The following COMMD10 variants were observed in gnomAD, a reference collection of about 807,000 sequenced individuals.
The protein encoded by COMMD10 is COMM domain-containing protein 10.
COMMD10 carries 33 observed loss-of-function variants against 28.9 expected under a neutral mutation model. The observed-to-expected ratio is 1.14, with a 90% CI of 0.87 to 1.53. COMMD10 has a LOEUF of 1.53. Ranked by LOEUF, COMMD10 falls within the 40% of genes most tolerant of loss-of-function variation. The pLI is 0.00. For missense variants in COMMD10, 310 were observed against 233.4 expected (o/e 1.33, Z -2.14); for synonymous variants, 110 against 81.7 (o/e 1.35, Z -1.87).
rs551489448 is a variant in COMMD10 at position 116,251,290 on chromosome 5, A to AT, written c.511-40224dup. Reference sequence around the variant, plus strand: ...TTTTTATTTATTTATTTATTTATTTATTTATTTATTTATTATTATACTTTA... The same window carrying AT: ...TTTTTATTTATTTATTTATTTATTTATTTTATTTATTTATTATTATACTTTA... On this transcript the variant is annotated intron_variant, in intron 5 of 6. Transcript: ENST00000274458. Among the ~76,000 whole-genome samples the AT allele has an allele frequency of 8.0e-4, 110 of 137,018 alleles. 1 individual carries two copies. The highest frequency in any genetic ancestry group is 2.9e-3 in the African/African-American group (103 of 35,178). The allele number at this position is 137,018 out of a possible 152,430, so 89.9% of individuals were successfully genotyped here.
intron 5 of COMMD10, among the ~76,000 whole-genome samples, chr5:116,161,970 C>T (rs1752932630): frequency 2.0e-5 from 3 of 152,124 alleles, no homozygotes. Flanking sequence ...AATGAGAAAC[C>T]AGAAGTTTTT....
intron 5 of COMMD10, chr5:116,255,939 A>C (rs764397552): frequency 4.6e-5 from 7 of 151,580 alleles, no homozygotes; most frequent in Non-Finnish European, 8.8e-5. Flanking sequence ...AGTGTTCAGA[A>C]ACGTTGCAGT....
chr5:116,131,807 A>T (rs989353889), intron 4 of COMMD10, among the ~76,000 whole-genome samples: 31 of 152,008 alleles, frequency 2.0e-4, no homozygotes, highest in African/African-American at 7.5e-4. Context: ...CAGACTACAG[A>T]GGGAAGGGAA....
At chr5:116,135,064 G>T (rs1751986821) in intron 5 of COMMD10, among the ~76,000 whole-genome samples, 1 of 152,106 alleles carries the variant, frequency 6.6e-6, no homozygotes, top group Admixed American at 6.5e-5. Flanking sequence ...GATATGATAA[G>T]AGCTTTTTAT....
chr5:116,207,117 C>T (rs1237195978), intron 5 of COMMD10, among the ~76,000 whole-genome samples: 1 of 152,094 alleles, frequency 6.6e-6, no homozygotes, highest in Non-Finnish European at 1.5e-5. Flanking sequence ...GCAAATTTCT[C>T]TATTAATAAT....
chr5:116,289,297 T>G (rs1374452805), intron 5 of COMMD10, among the ~76,000 whole-genome samples: 1 of 151,896 alleles, frequency 6.6e-6, no homozygotes, highest in African/African-American at 2.4e-5. Context: ...TTCCTTTGAT[T>G]AGGCCATATT....
chr5:116,238,030 A>G (rs1038755804), intron 5 of COMMD10, among the ~76,000 whole-genome samples: 2 of 152,182 alleles, frequency 1.3e-5, no homozygotes, highest in African/African-American at 4.8e-5. Context: ...ATAAATTTAT[A>G]TTATCTGGAA....
intron 5 of COMMD10, among the ~76,000 whole-genome samples, chr5:116,216,813 C>T (rs904566946): frequency 2.6e-5 from 4 of 152,042 alleles, no homozygotes; most frequent in Middle Eastern, 3.2e-3. Context: ...GGATTACAGG[C>T]GTGAGCCACT....
intron 5 of COMMD10, among the ~76,000 whole-genome samples, chr5:116,258,427 A>T (rs1484196628): frequency 3.3e-5 from 5 of 150,492 alleles, no homozygotes; most frequent in African/African-American, 7.5e-5. Context: ...GGACACCACC[A>T]CATCTTTTTT....
At chr5:116,224,288 A>G (rs1046978487) in intron 5 of COMMD10, among the ~76,000 whole-genome samples, 1 of 152,206 alleles carries the variant, frequency 6.6e-6, no homozygotes. Flanking sequence ...AGGAAACTCT[A>G]TGTAGATAGG....
In COMMD10 at chr5:116,292,966, A is replaced by G. The variant is rs1751410757; in HGVS notation, c.*477A>G. The stretch of plus-strand genomic sequence containing the variant: ...GCATTTTTATTTGAATATGATGAGT[A>G]TATTTTGCTTCGGAAATAATATAGG... On this transcript the variant is annotated 3_prime_UTR_variant, in exon 7 of 7. Coordinates refer to ENST00000274458, the MANE Select transcript of COMMD10 (RefSeq NM_016144.4). The G allele has an allele frequency of 2.5e-5, 10 of 397,066 alleles. No homozygotes were observed. The highest frequency in any genetic ancestry group is 4.4e-5 in the Non-Finnish European group (10 of 225,122). 24.6% of individuals were successfully genotyped at this position (397,066 alleles called of 1,614,324 possible).
chr5:116,235,430 C>G (rs139264606), intron 5 of COMMD10, among the ~76,000 whole-genome samples: 1 of 152,076 alleles, frequency 6.6e-6, no homozygotes, highest in South Asian at 2.1e-4. Flanking sequence ...TTTCATTTTC[C>G]TGTTACAATC....
At chr5:116,213,635 T>C (rs1171987308) in intron 5 of COMMD10, among the ~76,000 whole-genome samples, 1 of 152,148 alleles carries the variant, frequency 6.6e-6, no homozygotes, top group Non-Finnish European at 1.5e-5. Flanking sequence ...AGAAGTCTTT[T>C]ACATTGAGTT....
chr5:116,276,032 A>G (rs529568247), intron 5 of COMMD10, among the ~76,000 whole-genome samples: 1 of 151,378 alleles, frequency 6.6e-6, no homozygotes, highest in Non-Finnish European at 1.5e-5. Flanking sequence ...TTGTAAAATG[A>G]TCGTAAGTAC....
intron 5 of COMMD10, among the ~76,000 whole-genome samples, chr5:116,251,068 G>C (rs1278533346): frequency 6.6e-6 from 1 of 151,902 alleles, no homozygotes; most frequent in Non-Finnish European, 1.5e-5. Context: ...CATGTGCACA[G>C]AGCTCCTAGT....
At chr5:116,198,830 G>A (rs1748592678) in intron 5 of COMMD10, among the ~76,000 whole-genome samples, 1 of 152,008 alleles carries the variant, frequency 6.6e-6, no homozygotes, top group Non-Finnish European at 1.5e-5. Flanking sequence ...TTGTCTGAAG[G>A]TACCACAGTT....
chr5:116,092,957 C>T (rs888447788), intron 4 of COMMD10, among the ~76,000 whole-genome samples: 3 of 152,096 alleles, frequency 2.0e-5, no homozygotes, highest in Non-Finnish European at 4.4e-5. Context: ...TGGAAACTAT[C>T]GCTCGCTGCC....
intron 5 of COMMD10, among the ~76,000 whole-genome samples, chr5:116,188,952 G>C (rs980486875): frequency 1.3e-5 from 2 of 152,130 alleles, no homozygotes; most frequent in Non-Finnish European, 2.9e-5. Flanking sequence ...ATTAATGAAG[G>C]TTGTGCTATC....
chr5:116,271,670 A>G (rs1286212326), intron 5 of COMMD10, among the ~76,000 whole-genome samples: 1 of 151,874 alleles, frequency 6.6e-6, no homozygotes, highest in Non-Finnish European at 1.5e-5. Flanking sequence ...ACCAATTAGA[A>G]GGAGCCTATG....
Sources: gnomAD v4.1 joint callset for allele counts (sites outside exome capture counted in the v4.1 genomes callset) on GRCh38, gnomAD v4.1.1 for gene constraint, MANE v1.5 for transcripts, NCBI Gene and HGNC (gene_info 2026-07-23, HGNC 2026-07-21) for gene names.